Variants in SEMA7A observed in about 807,000 individuals in gnomAD.
SEMA7A encodes the protein semaphorin 7A (JohnMiltonHagen blood group), also known as semaphorin-7A.
A neutral mutation model predicts 67.5 loss-of-function variants in SEMA7A; 21 were observed. The observed-to-expected ratio is 0.31, with a 90% confidence interval of 0.22 to 0.45. SEMA7A has a LOEUF of 0.45. Ranked by LOEUF, SEMA7A falls within the 20% of genes least tolerant of loss-of-function variation. SEMA7A has a pLI of 1.00. For synonymous variants in SEMA7A, 364 were observed against 368.5 expected, an observed-to-expected ratio of 0.99 and a Z score of 0.14; for missense variants, 774 against 908.6, an observed-to-expected ratio of 0.85 and a Z score of 1.90.
intron 1 of SEMA7A, among the ~76,000 whole-genome samples, chr15:74,426,581 A>T (rs1173035485): frequency 6.6e-6 from 1 of 152,174 alleles, no homozygotes; most frequent in Non-Finnish European, 1.5e-5. Context: ...GACTGATTAG[A>T]AAGACAAGTC....
intron 1 of SEMA7A, among the ~76,000 whole-genome samples, chr15:74,425,440 C>T (rs2061036365): frequency 6.6e-6 from 1 of 152,172 alleles, no homozygotes; most frequent in South Asian, 2.1e-4. Context: ...ACTCCAGAAT[C>T]TGTGCTTATA....
Position 74,418,297 on chromosome 15 carries a change from A to T in SEMA7A, c.343T>A (p.Ser115Thr), listed in dbSNP as rs16968733. The change falls in exon 3 of 14, where the codon TCC (serine) becomes ACC (threonine). Residue 115 changes from serine to threonine, a missense_variant. By Grantham distance (58) the Ser-to-Thr change is moderately conservative. Coordinates refer to ENST00000261918, the MANE Select transcript of SEMA7A (RefSeq NM_003612.5). ...TTATCCAGACAGGACCCCTTTGTGG[A>T]GCCGATATTCACCTGGGGGAAGGGG... Reference protein sequence around the residue: ...NASVRTVNIGSTKGSCLDKRD... With the variant: ...NASVRTVNIGTTKGSCLDKRD... 5.6e-3 allele frequency: 9,058 copies of T among 1,611,406 alleles called. 419 individuals are homozygous for T. In the African/African-American group the frequency reaches 0.1, roughly 19 times the overall value.
intron 10 of SEMA7A, among the ~76,000 whole-genome samples, chr15:74,412,940 A>C (rs539388665): frequency 6.6e-6 from 1 of 152,200 alleles, no homozygotes; most frequent in African/African-American, 2.4e-5. Flanking sequence ...CTCCGTTCAC[A>C]ATTAGGGACC....
intron 1 of SEMA7A, 94 bp downstream of exon 1, chr15:74,433,647 T>A (rs2061113790): frequency 8.4e-6 from 11 of 1,308,950 alleles, no homozygotes; most frequent in Non-Finnish European, 1.1e-5. Flanking sequence ...CCCGCAGAGC[T>A]GCGCGCACGC....
At chr15:74,415,385 C>T (rs1161881080) in intron 8 of SEMA7A, among the ~76,000 whole-genome samples, 4 of 152,052 alleles carry the variant, frequency 2.6e-5, no homozygotes, top group African/African-American at 9.7e-5. Context: ...CCAACACTTC[C>T]GCCTGCCGTG....
chr15:74,430,071 A>T (rs2061074957), intron 1 of SEMA7A, among the ~76,000 whole-genome samples: 1 of 152,138 alleles, frequency 6.6e-6, no homozygotes, highest in Admixed American at 6.5e-5. Flanking sequence ...GCACGGAATC[A>T]TCTTGTTCCT....
At chr15:74,430,701 C>T (rs892696248) in intron 1 of SEMA7A, among the ~76,000 whole-genome samples, 1 of 152,238 alleles carries the variant, frequency 6.6e-6, no homozygotes, top group Non-Finnish European at 1.5e-5. Context: ...AATTGCCCCC[C>T]CACCATGAGA....
Position 74,411,827 on chromosome 15 carries a change from C to A in SEMA7A, c.1422+58G>T. On this transcript the variant is annotated intron_variant, in intron 11 of 13. Transcript: ENST00000261918. The surrounding 1 kb of genome is among the most constrained non-coding windows in gnomAD (Gnocchi z 4.4). The stretch of plus-strand genomic sequence containing the variant: ...AACACACAAATCACATGCAAAGGAG[C>A]CCTGTCCTCAGCTGCAGTCACTGCA... 1 of 1,607,034 alleles carries A rather than the reference C, an allele frequency of 6.2e-7. No homozygotes were observed.
Position 74,418,705 on chromosome 15 carries a change from G to T in SEMA7A, c.330+96C>A, listed in dbSNP as rs964297655. 8.4e-6 allele frequency: 12 copies of T among 1,420,798 alleles called. No homozygotes were observed. The African/African-American group carries it at 1.3e-4, about 15-fold the overall frequency. 88.0% of individuals were successfully genotyped at this position (1,420,798 alleles called of 1,614,324 possible). On this transcript the variant is annotated intron_variant, in intron 2 of 13. Coordinates refer to ENST00000261918, the MANE Select transcript of SEMA7A (RefSeq NM_003612.5). Reference sequence around the variant, plus strand: ...TACGGAGGTGGGGGCAGTTTAGGAAGAGAAGCCAGCTCCCTCGGATTCCCT... The same window carrying T: ...TACGGAGGTGGGGGCAGTTTAGGAATAGAAGCCAGCTCCCTCGGATTCCCT...
At chr15:74,427,185 A>G in intron 1 of SEMA7A, 1 of 984,414 alleles carries the variant, frequency 1.0e-6, no homozygotes. Context: ...TGGCACCACC[A>G]TCTTCGCTCA....
intron 1 of SEMA7A, among the ~76,000 whole-genome samples, chr15:74,421,054 G>C (rs1455714197): frequency 6.6e-6 from 1 of 152,254 alleles, no homozygotes; most frequent in African/African-American, 2.4e-5. Context: ...CAAGGGAAAA[G>C]AGGCACCAGA....
chr15:74,413,053 G>A (rs1227285731), intron 10 of SEMA7A, among the ~76,000 whole-genome samples: 2 of 150,626 alleles, frequency 1.3e-5, no homozygotes, highest in Non-Finnish European at 3.0e-5. Context: ...ATTTCCCAGG[G>A]CATCACCTGC....
chr15:74,418,132 C>A, intron 3 of SEMA7A, 136 bp downstream of exon 3: 1 of 1,165,486 alleles, frequency 8.6e-7, no homozygotes, highest in Non-Finnish European at 1.3e-6. Context: ...ACGCCATCCC[C>A]TAAGCACAGA....
chr15:74,421,060 C>G (rs1292297006), intron 1 of SEMA7A, among the ~76,000 whole-genome samples: 2 of 152,228 alleles, frequency 1.3e-5, no homozygotes, highest in Admixed American at 1.3e-4. Context: ...AAAAGAGGCA[C>G]CAGACAGGAC....
intron 6 of SEMA7A, 59 bp from the exon 7 acceptor site, chr15:74,416,773 C>T: frequency 6.4e-7 from 1 of 1,567,546 alleles, no homozygotes; most frequent in Non-Finnish European, 8.7e-7. Flanking sequence ...GAGACCATCC[C>T]AACCCTGCAC....
At position 74,418,860 on chromosome 15, in the gene SEMA7A, C is replaced by T. The variant is rs2060975852; in HGVS notation, c.271G>A (p.Gly91Arg). ...EPGSSSVWVG[G>R]RGKVYLFDFP... ...TCAAAGAGGTAGACCTTGCCACGTCCTCCCACCCACACAGAGGAGCTGCCT... is the reference window on the plus strand; with the variant it reads ...TCAAAGAGGTAGACCTTGCCACGTCTTCCCACCCACACAGAGGAGCTGCCT... The change falls in exon 2 of 14, where the codon GGA (glycine) becomes AGA (arginine). Residue 91 changes from glycine (G) to arginine (R), a missense_variant. Physicochemically the swap from Gly to Arg is moderately radical, Grantham distance 125. Coordinates refer to ENST00000261918, the MANE Select transcript of SEMA7A (RefSeq NM_003612.5). The T allele has an allele frequency of 6.2e-7, 1 of 1,613,838 alleles. No homozygotes were observed. Among genetic ancestry groups the T allele is most frequent in the Non-Finnish European group, 8.5e-7 (1 of 1,180,036 alleles).
intron 1 of SEMA7A, among the ~76,000 whole-genome samples, chr15:74,428,936 C>T (rs988304085): frequency 1.3e-5 from 2 of 152,224 alleles, no homozygotes; most frequent in South Asian, 4.1e-4. Context: ...CAACAAGGTG[C>T]CGTGGCCCTC....
chr15:74,416,364 C>G (rs748546652), intron 7 of SEMA7A, among the ~76,000 whole-genome samples: 1 of 152,214 alleles, frequency 6.6e-6, no homozygotes, highest in East Asian at 1.9e-4. Flanking sequence ...CACGCTCACA[C>G]GCCATCATAC....
intron 1 of SEMA7A, among the ~76,000 whole-genome samples, chr15:74,429,763 G>A (rs1343234531): frequency 6.6e-6 from 1 of 152,092 alleles, no homozygotes; most frequent in Non-Finnish European, 1.5e-5. Flanking sequence ...GGCCCAGGCT[G>A]ACTCAACGCC....
Sources: gnomAD v4.1 joint callset for allele counts (sites outside exome capture counted in the v4.1 genomes callset) on GRCh38, gnomAD v4.1.1 for gene constraint, Gnocchi (gnomAD v3.1) non-coding constraint, MANE v1.5 for transcripts, NCBI Gene and HGNC (gene_info 2026-07-23, HGNC 2026-07-21) for gene names.